DCC: variants seen among roughly 807,000 people sequenced by gnomAD.
DCC encodes DCC netrin 1 receptor.
A neutral mutation model predicts 172.5 loss-of-function variants in DCC; 58 were observed. That is an observed-to-expected ratio of 0.34 (90% confidence interval 0.27 to 0.42). DCC has a LOEUF of 0.42. Among genes scored for constraint, DCC ranks in the 10% least tolerant of loss-of-function variants. The probability of loss-of-function intolerance (pLI) is 1.00; values close to 1 mark genes in which losing one functional copy is unlikely to be tolerated. For synonymous variants in DCC, 709 were observed against 644.5 expected, an observed-to-expected ratio of 1.10 and a Z score of -1.52; for missense variants, 1,740 against 1,791.0, an observed-to-expected ratio of 0.97 and a Z score of 0.51.
At position 53,140,420 on chromosome 18, in the gene DCC, G is replaced by T. The variant is rs116845824; in HGVS notation, c.1262-16936G>T. 5.6e-3 allele frequency among the ~76,000 whole-genome samples: 855 copies of T among 152,274 alleles called. 6 individuals are homozygous for T. The highest frequency in any genetic ancestry group is 0.023 in the Admixed American group (352 of 15,290). Reference sequence around the variant, plus strand: ...GGTGGCATTTTTATGAGAGGAAATTGAGAGCAGAATAACGAATGGAGTTGG... The same window carrying T: ...GGTGGCATTTTTATGAGAGGAAATTTAGAGCAGAATAACGAATGGAGTTGG... On this transcript the variant is annotated intron_variant, in intron 7 of 28. Coordinates refer to ENST00000442544, the MANE Select transcript of DCC (RefSeq NM_005215.4).
At chr18:53,262,211 T>A (rs2144685680) in intron 12 of DCC, among the ~76,000 whole-genome samples, 1 of 152,306 alleles carries the variant, frequency 6.6e-6, no homozygotes, top group East Asian at 1.9e-4. Context: ...CACTACTCTA[T>A]CCTTCTGAGG....
intron 2 of DCC, among the ~76,000 whole-genome samples, chr18:52,881,011 C>A (rs1453776614): frequency 6.6e-6 from 1 of 152,128 alleles, no homozygotes; most frequent in Non-Finnish European, 1.5e-5. Flanking sequence ...TCCACATCCT[C>A]TCCAGCATTT....
chr18:52,977,597 A>G (rs1250863431), intron 5 of DCC, among the ~76,000 whole-genome samples: 16 of 152,160 alleles, frequency 1.1e-4, no homozygotes. Context: ...CAAGAAAAGC[A>G]TATCTGGGCC....
chr18:52,561,649 C>A (rs7231796), intron 1 of DCC, among the ~76,000 whole-genome samples: 42,128 of 151,956 alleles, frequency 0.28, 6,625 homozygotes, highest in Middle Eastern at 0.37. Flanking sequence ...CCCTCACTTG[C>A]CTACTGTAAC....
intron 1 of DCC, among the ~76,000 whole-genome samples, chr18:52,596,726 C>A (rs2033917033): frequency 6.6e-6 from 1 of 152,226 alleles, no homozygotes; most frequent in African/African-American, 2.4e-5. Flanking sequence ...TCTACCATTT[C>A]TCCTACACTG....
chr18:52,663,403 G>T (rs939950778), intron 1 of DCC, among the ~76,000 whole-genome samples: 3 of 152,154 alleles, frequency 2.0e-5, no homozygotes, highest in Non-Finnish European at 4.4e-5. Flanking sequence ...GTGGCAGTTT[G>T]CTGAGTTTCG....
chr18:53,503,213 A>C (rs1413708303), intron 27 of DCC, among the ~76,000 whole-genome samples: 1 of 152,064 alleles, frequency 6.6e-6, no homozygotes, highest in Non-Finnish European at 1.5e-5. Context: ...AGCATTTTGC[A>C]ATATTTTTAT....
At chr18:52,552,648 T>C (rs1046841368) in intron 1 of DCC, among the ~76,000 whole-genome samples, 1 of 152,040 alleles carries the variant, frequency 6.6e-6, no homozygotes, top group Admixed American at 6.6e-5. Context: ...CTACAAATTT[T>C]TCCACGTGCT....
At chr18:52,689,995 A>T (rs1414468510) in intron 1 of DCC, among the ~76,000 whole-genome samples, 1 of 152,174 alleles carries the variant, frequency 6.6e-6, no homozygotes, top group African/African-American at 2.4e-5. Context: ...TGTATTAAAG[A>T]TAAATGTGAC....
intron 21 of DCC, among the ~76,000 whole-genome samples, chr18:53,430,534 C>G (rs1347489500): frequency 6.6e-6 from 1 of 152,016 alleles, no homozygotes; most frequent in East Asian, 1.9e-4. Flanking sequence ...AATTTTTTAT[C>G]GTGGAAAAGA....
intron 5 of DCC, among the ~76,000 whole-genome samples, chr18:52,948,837 C>T (rs116513496): frequency 0.059 from 9,004 of 152,192 alleles, 360 homozygotes; most frequent in South Asian, 0.15. Context: ...TGTTGTTGTT[C>T]ACCATTCTAC....
At chr18:53,164,304 G>A (rs941161802) in intron 8 of DCC, among the ~76,000 whole-genome samples, 4 of 152,134 alleles carry the variant, frequency 2.6e-5, no homozygotes, top group Admixed American at 2.0e-4. Context: ...GAGTGCAGTG[G>A]TGTGATCATA....
intron 1 of DCC, among the ~76,000 whole-genome samples, chr18:52,718,170 C>T (rs1193130030): frequency 6.6e-6 from 1 of 152,096 alleles, no homozygotes; most frequent in Non-Finnish European, 1.5e-5. Context: ...GGCAAGCTTA[C>T]TTTTCTAGGT....
intron 12 of DCC, among the ~76,000 whole-genome samples, chr18:53,260,631 G>A (rs2056584461): frequency 6.6e-6 from 1 of 152,174 alleles, no homozygotes; most frequent in Admixed American, 6.5e-5. Flanking sequence ...GTGCCTCCCA[G>A]TTAGGCTACT....
chr18:53,472,253 G>T (rs1339988660), intron 25 of DCC, among the ~76,000 whole-genome samples: 1 of 152,156 alleles, frequency 6.6e-6, no homozygotes, highest in Non-Finnish European at 1.5e-5. Flanking sequence ...GGATTGGAGA[G>T]TTTAAGTAAC....
At chr18:52,373,784 C>T (rs540672296) in intron 1 of DCC, among the ~76,000 whole-genome samples, 32 of 151,832 alleles carry the variant, frequency 2.1e-4, no homozygotes, top group Non-Finnish European at 4.1e-4. Context: ...ACACCTTAGT[C>T]ATTGTTTAGC....
intron 12 of DCC, among the ~76,000 whole-genome samples, chr18:53,248,459 A>C (rs958599053): frequency 1.2e-4 from 19 of 152,130 alleles, no homozygotes; most frequent in African/African-American, 4.6e-4. Flanking sequence ...CTCCCACTGG[A>C]AGTGATCAAG....
intron 1 of DCC, among the ~76,000 whole-genome samples, chr18:52,632,810 G>T (rs1257476442): frequency 6.6e-6 from 1 of 152,066 alleles, no homozygotes; most frequent in Non-Finnish European, 1.5e-5. Context: ...ATTTCTAAAA[G>T]CATCTGATTG....
At chr18:52,617,705 T>A (rs965126802) in intron 1 of DCC, among the ~76,000 whole-genome samples, 1 of 152,190 alleles carries the variant, frequency 6.6e-6, no homozygotes, top group African/African-American at 2.4e-5. Context: ...TCTCTTACTT[T>A]TTTTTAAATA....
Sources: gnomAD v4.1 joint callset for allele counts (sites outside exome capture counted in the v4.1 genomes callset) on GRCh38, gnomAD v4.1.1 for gene constraint, MANE v1.5 for transcripts, NCBI Gene and HGNC (gene_info 2026-07-23, HGNC 2026-07-21) for gene names.